WDR72: variants seen among roughly 807,000 people sequenced by gnomAD.
WDR72 encodes the protein WD repeat-containing protein 72.
In WDR72, 120 loss-of-function variants were observed where a neutral mutation model predicts 124.2. The observed-to-expected ratio is 0.97, with a 90% CI of 0.83 to 1.12. The LOEUF (loss-of-function observed/expected upper bound fraction) is 1.12, where lower values mean the gene tolerates loss of function less well. WDR72 is among the 50% of genes most tolerant of loss of function. WDR72 has a pLI of 0.00. For missense variants in WDR72, 1,387 were observed against 1,278.8 expected (o/e 1.08, Z -1.29); for synonymous variants, 452 against 441.7 (o/e 1.02, Z -0.29).
chr15:53,597,540 C>T (rs916440634), intron 17 of WDR72, among the ~76,000 whole-genome samples: 2 of 152,074 alleles, frequency 1.3e-5, no homozygotes, highest in African/African-American at 2.4e-5. Context: ...CCAAACATTA[C>T]ACTATGGGAC....
intron 18 of WDR72, among the ~76,000 whole-genome samples, chr15:53,528,086 AATCT>A (rs1278437639): frequency 6.6e-6 from 1 of 152,108 alleles, no homozygotes; most frequent in Non-Finnish European, 1.5e-5. Context: ...AGGGAGGCAT[AATCT>A]ATGAAAAGAT....
In WDR72 at chr15:53,517,662, A is replaced by C. The variant is rs202027075; in HGVS notation, c.*37T>G. On this transcript the variant is annotated 3_prime_UTR_variant, in exon 20 of 20. Coordinates refer to ENST00000360509, the MANE Select transcript of WDR72 (RefSeq NM_182758.4). The stretch of plus-strand genomic sequence containing the variant: ...CAAATGGCATCTTTTGGATTTCTTA[A>C]TTTGTCCAAATTCAGCTCCTACTGA... 5 of 1,607,182 alleles carry C rather than the reference A, an allele frequency of 3.1e-6. No individual in the cohort carries two copies.
At chr15:53,550,231 G>T (rs1421937066) in intron 18 of WDR72, among the ~76,000 whole-genome samples, 9 of 152,182 alleles carry the variant, frequency 5.9e-5, no homozygotes, top group Non-Finnish European at 2.9e-5. Context: ...TTTTAGACTT[G>T]TGGGCCATAT....
At chr15:53,685,997 G>A (rs889146258) in intron 13 of WDR72, among the ~76,000 whole-genome samples, 1 of 148,782 alleles carries the variant, frequency 6.7e-6, no homozygotes, top group African/African-American at 2.5e-5. Flanking sequence ...ATACTTTACA[G>A]ACAAGCAAAT....
intron 9 of WDR72, among the ~76,000 whole-genome samples, chr15:53,706,365 T>TACATAC (rs1595863844): frequency 6.2e-5 from 3 of 48,266 alleles, no homozygotes; most frequent in Admixed American, 2.2e-4. Flanking sequence ...TATATATATA[T>TACATAC]ATATATATAT....
At chr15:53,654,603 A>G (rs1273911266) in intron 14 of WDR72, among the ~76,000 whole-genome samples, 1 of 152,202 alleles carries the variant, frequency 6.6e-6, no homozygotes, top group Non-Finnish European at 1.5e-5. Flanking sequence ...GAAGCAAACC[A>G]TCATCTGAGG....
At chr15:53,559,889 C>T (rs181494592) in intron 18 of WDR72, among the ~76,000 whole-genome samples, 114 of 152,016 alleles carry the variant, frequency 7.5e-4, no homozygotes, top group Admixed American at 4.5e-3. Flanking sequence ...AATAAAACCA[C>T]TTTATGAAGA....
chr15:53,559,664 C>A (rs1280701675), intron 18 of WDR72, among the ~76,000 whole-genome samples: 1 of 151,980 alleles, frequency 6.6e-6, no homozygotes, highest in African/African-American at 2.4e-5. Flanking sequence ...AATTTCCGTT[C>A]CGACAGCCAC....
chr15:53,701,522 C>A (rs552793287), intron 12 of WDR72, among the ~76,000 whole-genome samples: 23 of 148,426 alleles, frequency 1.5e-4, no homozygotes, highest in Admixed American at 6.1e-4. Flanking sequence ...GCCTGGATGA[C>A]AAAGTGAGAC....
chr15:53,665,895 T>G (rs1457723509), intron 13 of WDR72, 127 bp from the exon 14 acceptor site: 1 of 879,666 alleles, frequency 1.1e-6, no homozygotes, highest in Admixed American at 2.2e-5. Flanking sequence ...ATCTTGCAAC[T>G]GAAAAATAGC....
rs6145564 is a variant in WDR72, at chr15:53,716,769, A to AGTGCTGCACTTAAGT, written c.261-85_261-84insACTTAAGTGCAGCAC. The AGTGCTGCACTTAAGT allele has an allele frequency of 0.43, 410,069 of 953,438 alleles. 92,726 individuals are homozygous for AGTGCTGCACTTAAGT. Among genetic ancestry groups the AGTGCTGCACTTAAGT allele is most frequent in the Middle Eastern group, 0.56 (2,647 of 4,756 alleles). The allele number at this position is 953,438 out of a possible 1,614,324, so 59.1% of individuals were successfully genotyped here. On this transcript the variant is annotated intron_variant, in intron 3 of 19. Transcript: ENST00000360509. ...TTTTTGTGCCACCAAGTTTTTCTTT[A>AGTGCTGCACTTAAGT]GCAGCCTGATCATTTATGTGGCTTT...
chr15:53,526,011 C>T (rs1418223375), intron 18 of WDR72, among the ~76,000 whole-genome samples: 3 of 151,996 alleles, frequency 2.0e-5, no homozygotes, highest in African/African-American at 7.2e-5. Context: ...TGGGTGTTTC[C>T]TGTGATGTTT....
chr15:53,753,332 G>A (rs1169783815), intron 1 of WDR72, among the ~76,000 whole-genome samples: 1 of 152,196 alleles, frequency 6.6e-6, no homozygotes, highest in Non-Finnish European at 1.5e-5. Flanking sequence ...CCTCCCTAAT[G>A]CCCACGATTC....
At chr15:53,539,643 T>C (rs1756973259) in intron 18 of WDR72, among the ~76,000 whole-genome samples, 1 of 149,158 alleles carries the variant, frequency 6.7e-6, no homozygotes, top group Non-Finnish European at 1.5e-5. Context: ...AGGTAAACAT[T>C]AGGAAAAAAA....
chr15:53,558,856 G>T (rs1423765953), intron 18 of WDR72, among the ~76,000 whole-genome samples: 1 of 151,946 alleles, frequency 6.6e-6, no homozygotes, highest in Non-Finnish European at 1.5e-5. Flanking sequence ...TTTTAGTGAG[G>T]CAAGAAATGA....
intron 1 of WDR72, 127 bp from the exon 2 acceptor site, chr15:53,733,288 G>A: frequency 9.7e-7 from 1 of 1,032,922 alleles, no homozygotes; most frequent in Non-Finnish European, 1.4e-6. Flanking sequence ...CTATGGAAAA[G>A]GGTGTTTCCC....
chr15:53,663,214 T>G (rs1486438161), intron 14 of WDR72, among the ~76,000 whole-genome samples: 1 of 151,996 alleles, frequency 6.6e-6, no homozygotes, highest in Non-Finnish European at 1.5e-5. Flanking sequence ...TAAAAAGATA[T>G]AACTTAGGAG....
At chr15:53,727,771 C>T (rs541096730) in intron 2 of WDR72, among the ~76,000 whole-genome samples, 1 of 152,314 alleles carries the variant, frequency 6.6e-6, no homozygotes, top group African/African-American at 2.4e-5. Flanking sequence ...ATGAAGTCCT[C>T]ATTCTATTAC....
At chr15:53,531,371 G>C (rs1892457135) in intron 18 of WDR72, among the ~76,000 whole-genome samples, 1 of 152,066 alleles carries the variant, frequency 6.6e-6, no homozygotes, top group Non-Finnish European at 1.5e-5. Flanking sequence ...AGAAAGCATA[G>C]GTGGTCTGTT....
Sources: gnomAD v4.1 joint callset for allele counts (sites outside exome capture counted in the v4.1 genomes callset) on GRCh38, gnomAD v4.1.1 for gene constraint, MANE v1.5 for transcripts, NCBI Gene and HGNC (gene_info 2026-07-23, HGNC 2026-07-21) for gene names.